Variants in ZNF532 observed in about 807,000 individuals in gnomAD.
ZNF532 encodes the protein zinc finger protein 532.
In ZNF532, 22 loss-of-function variants were observed where a neutral mutation model predicts 89.3. The observed-to-expected ratio is 0.25, with a 90% confidence interval of 0.18 to 0.35. ZNF532 has a LOEUF of 0.35. ZNF532 is among the 10% of genes least tolerant of loss of function. The pLI is 1.00. For synonymous variants in ZNF532, 606 were observed against 649.6 expected (o/e 0.93, Z 1.02); for missense variants, 1,132 against 1,643.4 (o/e 0.69, Z 5.38).
intron 8 of ZNF532, chr18:58,979,941 T>TA (rs1217134811): frequency 6.6e-6 from 1 of 152,250 alleles, no homozygotes; most frequent in Non-Finnish European, 1.5e-5. Flanking sequence ...TGCTGCTTCA[T>TA]ACGTGAACAC....
chr18:58,963,603 A>ATGTGTGTGTGTGTG (rs60644289), intron 7 of ZNF532, among the ~76,000 whole-genome samples: 47 of 143,880 alleles, frequency 3.3e-4, no homozygotes, highest in African/African-American at 1.2e-3. Context: ...AAAGAAAAAA[A>ATGTGTGTGTGTGTG]TGTGTGTGTG....
intron 2 of ZNF532, among the ~76,000 whole-genome samples, chr18:58,877,883 G>A (rs1357770700): frequency 2.6e-5 from 4 of 152,168 alleles, no homozygotes; most frequent in Admixed American, 6.6e-5. Flanking sequence ...GTCACAGTTG[G>A]GGGGTGAGTT....
At chr18:58,943,566 G>A (rs972499615) in intron 5 of ZNF532, among the ~76,000 whole-genome samples, 19 of 150,838 alleles carry the variant, frequency 1.3e-4, no homozygotes, top group African/African-American at 4.4e-4. Flanking sequence ...TGGTTCAAGC[G>A]ATTCTCCTGC....
chr18:58,938,986 C>G (rs1404834269), intron 4 of ZNF532, among the ~76,000 whole-genome samples: 3 of 152,030 alleles, frequency 2.0e-5, no homozygotes, highest in African/African-American at 7.2e-5. Flanking sequence ...GTGGTTTACA[C>G]CTATAATCCC....
rs755436836 is a variant in ZNF532, at chr18:58,919,889, C to T, written c.1602C>T (p.Ala534=). 1.2e-6 allele frequency: 2 copies of T among 1,613,842 alleles called. No homozygotes were observed. Among genetic ancestry groups the T allele is most frequent in the African/African-American group, 2.7e-5 (2 of 74,904 alleles). Residue 534 remains alanine (A), a synonymous_variant, in exon 3 of 10, where the codon GCC becomes GCT. Coordinates refer to ENST00000591808, the MANE Select transcript of ZNF532 (RefSeq NM_001375912.1). The surrounding 1 kb of genome is among the most constrained non-coding windows in gnomAD (Gnocchi z 6.1). ...ACCTTAACCTTTTGCCTCAGGGTGC[C>T]CAGGCCACCTCTGAACTCCGCCAAG... ...LANLNLLPQG[A]QATSELRQVL... is the part of the protein sequence containing the mutation.
chr18:58,982,651 T>A (rs893838723), intron 9 of ZNF532, among the ~76,000 whole-genome samples: 1 of 152,018 alleles, frequency 6.6e-6, no homozygotes, highest in Admixed American at 6.5e-5. Context: ...AGCAGATACT[T>A]AAAAAGCCCT....
At chr18:58,900,913 C>T (rs1243100862) in intron 2 of ZNF532, among the ~76,000 whole-genome samples, 1 of 152,104 alleles carries the variant, frequency 6.6e-6, no homozygotes, top group Non-Finnish European at 1.5e-5. Context: ...CACTTACTTC[C>T]TGTCTCTATT....
chr18:58,925,405 G>A (rs1262521348), intron 3 of ZNF532, among the ~76,000 whole-genome samples: 2 of 152,146 alleles, frequency 1.3e-5, no homozygotes, highest in African/African-American at 4.8e-5. Flanking sequence ...TTTGCCATCT[G>A]TTTTTCCTTT....
intron 7 of ZNF532, among the ~76,000 whole-genome samples, chr18:58,973,142 G>A (rs2066651218): frequency 6.6e-6 from 1 of 152,120 alleles, no homozygotes. Context: ...TCACTCTGTC[G>A]CCCAGGCTGG....
chr18:58,927,988 C>T (rs967660694), intron 3 of ZNF532, among the ~76,000 whole-genome samples: 1 of 152,232 alleles, frequency 6.6e-6, no homozygotes, highest in Admixed American at 6.5e-5. Context: ...ATCTGGTGGG[C>T]TGAGCCTCTT....
chr18:58,934,654 C>A, intron 4 of ZNF532, 40 bp downstream of exon 4: 1 of 1,577,014 alleles, frequency 6.3e-7, no homozygotes, highest in South Asian at 1.2e-5. Context: ...AAAACTCGTT[C>A]ACTTACAACC....
chr18:58,978,026 C>G (rs1036757891), intron 7 of ZNF532, among the ~76,000 whole-genome samples: 2 of 152,194 alleles, frequency 1.3e-5, no homozygotes, highest in Non-Finnish European at 2.9e-5. Context: ...TAGTTCCAGA[C>G]TGCTATGCAT....
rs186152796 is a variant in ZNF532, at chr18:58,918,044, G to A, written c.-17-227G>A. Among the ~76,000 whole-genome samples the A allele has an allele frequency of 5.5e-4, 84 of 152,306 alleles. 1 individual carries two copies. The highest frequency in any genetic ancestry group is 2.0e-3 in the African/African-American group (82 of 41,566). ...AGCTGGGAGCCACGCTGGTAACACCGTATAGCAGTGTGGAGGGCTTACTTT... is the reference window on the plus strand; with the variant it reads ...AGCTGGGAGCCACGCTGGTAACACCATATAGCAGTGTGGAGGGCTTACTTT... On this transcript the variant is annotated intron_variant, in intron 2 of 9. Coordinates refer to ENST00000591808, the MANE Select transcript of ZNF532 (RefSeq NM_001375912.1).
At chr18:58,963,637 G>GTGTA (rs928780938) in intron 7 of ZNF532, among the ~76,000 whole-genome samples, 1 of 140,476 alleles carries the variant, frequency 7.1e-6, no homozygotes, top group African/African-American at 2.7e-5. Context: ...GTGTGTGTGT[G>GTGTA]TGTGTGTGTA....
intron 5 of ZNF532, among the ~76,000 whole-genome samples, chr18:58,942,635 C>T (rs2063294010): frequency 6.6e-6 from 1 of 151,816 alleles, no homozygotes; most frequent in African/African-American, 2.4e-5. Flanking sequence ...CTGCAGTGTT[C>T]CCGGAGATAA....
chr18:58,878,157 A>C (rs1380958478), intron 2 of ZNF532, among the ~76,000 whole-genome samples: 1 of 152,146 alleles, frequency 6.6e-6, no homozygotes. Flanking sequence ...CGGGAGGCTG[A>C]GTCAGGAGAA....
At chr18:58,877,635 A>G (rs1274744846) in intron 2 of ZNF532, among the ~76,000 whole-genome samples, 1 of 152,180 alleles carries the variant, frequency 6.6e-6, no homozygotes, top group African/African-American at 2.4e-5. Flanking sequence ...GGCACATTGA[A>G]TTGGATTTAT....
intron 7 of ZNF532, among the ~76,000 whole-genome samples, chr18:58,971,481 C>T (rs939894022): frequency 7.9e-5 from 12 of 152,188 alleles, no homozygotes; most frequent in Non-Finnish European, 1.5e-4. Context: ...AACACAGCCA[C>T]GCCCATTCAT....
intron 7 of ZNF532, among the ~76,000 whole-genome samples, chr18:58,958,169 T>C (rs947696658): frequency 6.6e-6 from 1 of 152,182 alleles, no homozygotes; most frequent in Non-Finnish European, 1.5e-5. Context: ...ATTGTCAGTA[T>C]CTACTTTCAG....
Sources: gnomAD v4.1 joint callset for allele counts (sites outside exome capture counted in the v4.1 genomes callset) on GRCh38, gnomAD v4.1.1 for gene constraint, Gnocchi (gnomAD v3.1) non-coding constraint, MANE v1.5 for transcripts, NCBI Gene and HGNC (gene_info 2026-07-23, HGNC 2026-07-21) for gene names.